Variants in BCAS3 observed in about 807,000 individuals in gnomAD.
BCAS3 encodes BCAS3 microtubule associated cell migration factor.
BCAS3 carries 53 observed loss-of-function variants against 116.1 expected under a neutral mutation model. The ratio of observed to expected loss-of-function variants is 0.46; its 90% CI spans 0.37 to 0.57. BCAS3 has a LOEUF of 0.57. Among genes scored for constraint, BCAS3 ranks in the 20% least tolerant of loss-of-function variants. The pLI is 0.00. For missense variants in BCAS3, 917 were observed against 1,165.4 expected (o/e 0.79, Z 3.10); for synonymous variants, 391 against 408.2 (o/e 0.96, Z 0.51).
intron 3 of BCAS3, among the ~76,000 whole-genome samples, chr17:60,687,776 T>C (rs1445104567): frequency 6.6e-6 from 1 of 152,134 alleles, no homozygotes; most frequent in Non-Finnish European, 1.5e-5. Flanking sequence ...TGCAAAGCTG[T>C]AGTAAGGAAC....
Position 61,111,176 on chromosome 17 carries a change from C to G in BCAS3, c.2425+26612C>G, listed in dbSNP as rs1329873994. On this transcript the variant is annotated intron_variant, in intron 22 of 23. Coordinates refer to ENST00000407086, the MANE Select transcript of BCAS3 (RefSeq NM_017679.5). ...AAACTGGAAACTCTAAAACGCAGAG[C>G]GTCTCTCCTCCTCCAAAGGAACGCA... Among the ~76,000 whole-genome samples, 377 of 147,992 alleles carry G rather than the reference C, an allele frequency of 2.5e-3. 1 individual carries two copies. The highest frequency in any genetic ancestry group is 8.2e-3 in the African/African-American group (332 of 40,408).
chr17:61,322,834 G>GAGAC (rs2055383799), intron 22 of BCAS3, among the ~76,000 whole-genome samples: 3 of 131,830 alleles, frequency 2.3e-5, no homozygotes, highest in East Asian at 2.2e-4. Flanking sequence ...GAGAGACAGA[G>GAGAC]AGAGAGAGAG....
At chr17:60,974,160 GT>G (rs1275468267) in intron 14 of BCAS3, among the ~76,000 whole-genome samples, 4 of 151,938 alleles carry the variant, frequency 2.6e-5, no homozygotes, top group Non-Finnish European at 4.4e-5. Flanking sequence ...TCTGCTTCAG[GT>G]TTTTTTAGGA....
At chr17:61,150,648 G>A (rs1252790381) in intron 22 of BCAS3, among the ~76,000 whole-genome samples, 3 of 152,128 alleles carry the variant, frequency 2.0e-5, no homozygotes, top group Non-Finnish European at 4.4e-5. Context: ...ATTAATTCCT[G>A]CTAATTGATT....
intron 22 of BCAS3, among the ~76,000 whole-genome samples, chr17:61,351,134 G>C (rs539441727): frequency 6.6e-6 from 1 of 152,328 alleles, no homozygotes; most frequent in South Asian, 2.1e-4. Flanking sequence ...GGCAAGATCT[G>C]TGCTGGGCAC....
At chr17:61,093,659 A>G (rs1485411088) in intron 22 of BCAS3, among the ~76,000 whole-genome samples, 1 of 152,222 alleles carries the variant, frequency 6.6e-6, no homozygotes, top group Non-Finnish European at 1.5e-5. Context: ...TTGCTCCCAC[A>G]TTGTTTATCA....
intron 22 of BCAS3, among the ~76,000 whole-genome samples, chr17:61,240,264 C>A (rs1367537263): frequency 1.3e-5 from 2 of 152,142 alleles, no homozygotes; most frequent in African/African-American, 4.8e-5. Context: ...TCAAAAACAG[C>A]CTAAGAGAAG....
chr17:61,154,497 G>T (rs2077720065), intron 22 of BCAS3, among the ~76,000 whole-genome samples: 2 of 151,638 alleles, frequency 1.3e-5, no homozygotes, highest in Non-Finnish European at 2.9e-5. Context: ...GTGCAGTGGG[G>T]GGATCATGGC....
Position 61,235,794 on chromosome 17 carries a change from G to A in BCAS3, c.2426-132533G>A, listed in dbSNP as rs1234576651. Among the ~76,000 whole-genome samples the A allele has an allele frequency of 6.6e-6, 1 of 152,074 alleles. No individual in the cohort carries two copies. Among genetic ancestry groups the A allele is most frequent in the African/African-American group, 2.4e-5 (1 of 41,422 alleles). ...AGAGATGTGGAGACTGGGGGAAAAG[G>A]ACTGATTATATGTTAGCTTAACAGT... On this transcript the variant is annotated intron_variant, in intron 22 of 23. Transcript: ENST00000407086. The surrounding 1 kb of genome is among the most constrained non-coding windows in gnomAD (Gnocchi z 5.0).
chr17:60,703,888 G>A (rs796886114), intron 4 of BCAS3, among the ~76,000 whole-genome samples: 1 of 146,724 alleles, frequency 6.8e-6, no homozygotes, highest in African/African-American at 2.6e-5. Flanking sequence ...CACTCCAGCC[G>A]CCTGGGCAAC....
chr17:61,205,510 G>A lies in BCAS3; in HGVS notation c.2425+120946G>A, dbSNP rs1268356172. Reference sequence around the variant, plus strand: ...TTAGGTGATCCTGTGTGACATTCAGGAACTATTGCAGACTTCCAGGACTCA... The same window carrying A: ...TTAGGTGATCCTGTGTGACATTCAGAAACTATTGCAGACTTCCAGGACTCA... On this transcript the variant is annotated intron_variant, in intron 22 of 23. Coordinates refer to ENST00000407086, the MANE Select transcript of BCAS3 (RefSeq NM_017679.5). This position sits in a 1 kb window ranked among gnomAD's most constrained non-coding sequence, Gnocchi z 5.2. Among the ~76,000 whole-genome samples the A allele has an allele frequency of 6.6e-6, 1 of 152,168 alleles. No homozygotes were observed. The highest frequency in any genetic ancestry group is 1.5e-5 in the Non-Finnish European group (1 of 68,024).
chr17:61,066,073 A>C (rs968136053), intron 19 of BCAS3, among the ~76,000 whole-genome samples: 6 of 152,144 alleles, frequency 3.9e-5, no homozygotes, highest in African/African-American at 1.2e-4. Context: ...TTTTATCCTT[A>C]ATTTGAGAAG....
At chr17:60,767,268 C>A (rs966413654) in intron 6 of BCAS3, among the ~76,000 whole-genome samples, 4 of 151,714 alleles carry the variant, frequency 2.6e-5, no homozygotes, top group African/African-American at 7.3e-5. Flanking sequence ...AATCACCAAT[C>A]TTCTGCGTCG....
chr17:60,995,246 G>C lies in BCAS3; in HGVS notation c.1486+5011G>C, dbSNP rs538101415. Among the ~76,000 whole-genome samples, 1 of 152,066 alleles carries C rather than the reference G, an allele frequency of 6.6e-6. No individual in the cohort carries two copies. Among genetic ancestry groups the C allele is most frequent in the East Asian group, 1.9e-4 (1 of 5,194 alleles). The stretch of plus-strand genomic sequence containing the variant: ...TGGCTTGCTGCAACCTCCACCTCCC[G>C]GGTTCAAGTGATTCTTCTGCTTCAG... On this transcript the variant is annotated intron_variant, in intron 15 of 23. Coordinates refer to ENST00000407086, the MANE Select transcript of BCAS3 (RefSeq NM_017679.5). This position sits in a 1 kb window ranked among gnomAD's most constrained non-coding sequence, Gnocchi z 4.7.
chr17:61,342,042 G>A lies in BCAS3; in HGVS notation c.2426-26285G>A, dbSNP rs548535715. ...TTTTGAGACAGAGTCTCAGTCTTTCGCCCAGGCTGGAGTACAGTGGTGTGA... is the reference window on the plus strand; with the variant it reads ...TTTTGAGACAGAGTCTCAGTCTTTCACCCAGGCTGGAGTACAGTGGTGTGA... On this transcript the variant is annotated intron_variant, in intron 22 of 23. Transcript: ENST00000407086. 1.3e-3 allele frequency among the ~76,000 whole-genome samples: 195 copies of A among 152,220 alleles called. 1 individual carries two copies. Among genetic ancestry groups the A allele is most frequent in the Middle Eastern group, 3.4e-3 (1 of 294 alleles).
At chr17:60,858,618 G>C (rs2053882132) in intron 7 of BCAS3, among the ~76,000 whole-genome samples, 1 of 152,074 alleles carries the variant, frequency 6.6e-6, no homozygotes, top group Admixed American at 6.6e-5. Flanking sequence ...AAAATACCTA[G>C]TTGTGACATA....
Position 61,145,319 on chromosome 17 carries a change from A to C in BCAS3, c.2425+60755A>C, listed in dbSNP as rs1199745870. Among the ~76,000 whole-genome samples the C allele has an allele frequency of 1.3e-5, 2 of 152,240 alleles. No individual in the cohort carries two copies. Among genetic ancestry groups the C allele is most frequent in the African/African-American group, 4.8e-5 (2 of 41,468 alleles). ...CTGACAGTTCACATCCTGGGGCAGCAGCGGGGTCTGGCCTGCAGAAAGGAG... is the reference window on the plus strand; with the variant it reads ...CTGACAGTTCACATCCTGGGGCAGCCGCGGGGTCTGGCCTGCAGAAAGGAG... On this transcript the variant is annotated intron_variant, in intron 22 of 23. Transcript: ENST00000407086. This position sits in a 1 kb window ranked among gnomAD's most constrained non-coding sequence, Gnocchi z 5.0.
At chr17:60,900,702 C>CT (rs369375367) in intron 10 of BCAS3, among the ~76,000 whole-genome samples, 4,258 of 147,412 alleles carry the variant, frequency 0.029, 215 homozygotes, top group African/African-American at 0.1. Flanking sequence ...TGGCAAACTG[C>CT]TTTTTTTTTT....
intron 6 of BCAS3, among the ~76,000 whole-genome samples, chr17:60,790,447 A>G (rs1205711277): frequency 6.6e-6 from 1 of 152,198 alleles, no homozygotes; most frequent in Non-Finnish European, 1.5e-5. Context: ...GGCTCTGTAT[A>G]GAGGAAGTTC....
Sources: gnomAD v4.1 joint callset for allele counts (sites outside exome capture counted in the v4.1 genomes callset) on GRCh38, gnomAD v4.1.1 for gene constraint, Gnocchi (gnomAD v3.1) non-coding constraint, MANE v1.5 for transcripts, NCBI Gene and HGNC (gene_info 2026-07-23, HGNC 2026-07-21) for gene names.